The following EBF1 variants were observed in gnomAD, a reference collection of about 807,000 sequenced individuals.
EBF1 encodes EBF transcription factor 1, also known as transcription factor COE1.
Under a neutral mutation model 68.4 loss-of-function variants are expected in EBF1, and 10 were observed. The ratio of observed to expected loss-of-function variants is 0.15; its 90% CI spans 0.09 to 0.25. The LOEUF (loss-of-function observed/expected upper bound fraction) is 0.25, where lower values mean the gene tolerates loss of function less well. Ranked by LOEUF, EBF1 falls within the 10% of genes least tolerant of loss-of-function variation. The probability of loss-of-function intolerance (pLI) is 1.00; values close to 1 mark genes in which losing one functional copy is unlikely to be tolerated. For missense variants in EBF1, 509 were observed against 794.4 expected, an observed-to-expected ratio of 0.64 and a Z score of 4.32; for synonymous variants, 298 against 299.8, an observed-to-expected ratio of 0.99 and a Z score of 0.06.
At position 158,764,667 on chromosome 5, in the gene EBF1, T is replaced by A. The variant is rs151204879; in HGVS notation, c.1036+12746A>T. On this transcript the variant is annotated intron_variant, in intron 10 of 15. Transcript: ENST00000313708. ...GCGCTGTCAATAAAAGAACTACATG[T>A]ACTCAAAGTGTCAATGCTGGGGAGG... is the stretch of plus-strand genomic sequence containing the variant. 4.4e-3 allele frequency among the ~76,000 whole-genome samples: 670 copies of A among 152,264 alleles called. 4 individuals are homozygous for A. The highest frequency in any genetic ancestry group is 0.015 in the African/African-American group (627 of 41,558).
intron 6 of EBF1, among the ~76,000 whole-genome samples, chr5:158,968,539 G>A (rs1306241046): frequency 2.6e-5 from 4 of 152,092 alleles, no homozygotes; most frequent in Admixed American, 2.0e-4. Context: ...GAGACAAAGT[G>A]GAACAGGCAT....
chr5:159,031,450 T>C (rs1378283758), intron 6 of EBF1, among the ~76,000 whole-genome samples: 2 of 123,090 alleles, frequency 1.6e-5, no homozygotes. Flanking sequence ...AGCATATGCA[T>C]ATGCACCTCC....
intron 6 of EBF1, among the ~76,000 whole-genome samples, chr5:158,872,766 T>A (rs892088925): frequency 6.6e-6 from 1 of 152,136 alleles, no homozygotes; most frequent in Non-Finnish European, 1.5e-5. Flanking sequence ...CTTTTCTGTG[T>A]GTACATTTTT....
intron 6 of EBF1, among the ~76,000 whole-genome samples, chr5:158,869,356 C>A (rs1238197662): frequency 1.3e-5 from 2 of 152,084 alleles, no homozygotes; most frequent in African/African-American, 4.8e-5. Flanking sequence ...GATCTGGATA[C>A]CCTGAGAGAA....
intron 15 of EBF1, among the ~76,000 whole-genome samples, chr5:158,699,624 C>A (rs1311234873): frequency 6.6e-6 from 1 of 152,168 alleles, no homozygotes; most frequent in Non-Finnish European, 1.5e-5. Context: ...AGCCACAGAG[C>A]AGAAATCTTG....
chr5:158,712,143 T>C lies in EBF1; in HGVS notation c.1549+11A>G. 3.7e-6 allele frequency: 6 copies of C among 1,613,348 alleles called. No homozygotes were observed. Among genetic ancestry groups the C allele is most frequent in the Non-Finnish European group, 5.1e-6 (6 of 1,179,734 alleles). ...AACGTGCAGGAACGCAGGATATGCA[T>C]CTCTACTTACTGGCATAGGGGGAGT... On this transcript the variant is annotated intron_variant, in intron 14 of 15. Transcript: ENST00000313708.
chr5:158,753,296 T>G (rs1192175562), intron 10 of EBF1, among the ~76,000 whole-genome samples: 2 of 152,134 alleles, frequency 1.3e-5, no homozygotes, highest in African/African-American at 4.8e-5. Context: ...ATCTCCATCT[T>G]ACTCTCTCCA....
At chr5:159,083,441 T>G (rs1175359398) in intron 5 of EBF1, among the ~76,000 whole-genome samples, 4 of 152,244 alleles carry the variant, frequency 2.6e-5, no homozygotes, top group South Asian at 4.1e-4. Flanking sequence ...ATTTTCATAA[T>G]AGTTAACAAG....
At position 159,095,694 on chromosome 5, in the gene EBF1, G is replaced by T. The variant is rs141435103; in HGVS notation, c.356-19C>A. 1.6e-3 allele frequency: 2,626 copies of T among 1,613,768 alleles called. 40 individuals are homozygous for T. In the African/African-American group the frequency reaches 0.03, roughly 18 times the overall value. ...CTTATCCCTAGGGTTGGAAATGGGG[G>T]AAGGGAGGAGAATTAAGTGAGAGGT... On this transcript the variant is annotated intron_variant, in intron 3 of 15. Coordinates refer to ENST00000313708, the MANE Select transcript of EBF1 (RefSeq NM_024007.5).
At chr5:159,070,191 T>A (rs770988024) in intron 6 of EBF1, among the ~76,000 whole-genome samples, 1 of 152,190 alleles carries the variant, frequency 6.6e-6, no homozygotes, top group South Asian at 2.1e-4. Flanking sequence ...GAGTGCAGGC[T>A]GGGTTATGTG....
intron 8 of EBF1, among the ~76,000 whole-genome samples, chr5:158,802,392 T>G (rs150991043): frequency 6.6e-6 from 1 of 152,302 alleles, no homozygotes; most frequent in East Asian, 1.9e-4. Context: ...AGAAATTTTC[T>G]AATCTAAATC....
intron 6 of EBF1, among the ~76,000 whole-genome samples, chr5:158,950,758 T>G (rs1054130277): frequency 1.3e-5 from 2 of 152,194 alleles, no homozygotes; most frequent in African/African-American, 2.4e-5. Context: ...AGAGTGTATT[T>G]GGTGGAGTTT....
chr5:158,865,660 T>C (rs1317899454), intron 6 of EBF1, among the ~76,000 whole-genome samples: 2 of 152,164 alleles, frequency 1.3e-5, no homozygotes, highest in Non-Finnish European at 2.9e-5. Context: ...TGTAGTAGAG[T>C]AGGGGAATAG....
chr5:159,043,138 A>T (rs1348463878), intron 6 of EBF1, among the ~76,000 whole-genome samples: 1 of 152,242 alleles, frequency 6.6e-6, no homozygotes, highest in Non-Finnish European at 1.5e-5. Flanking sequence ...TATTTTGCAG[A>T]CAAAAACTCC....
chr5:159,011,205 T>C (rs892307943), intron 6 of EBF1, among the ~76,000 whole-genome samples: 6 of 152,184 alleles, frequency 3.9e-5, no homozygotes, highest in African/African-American at 1.2e-4. Context: ...CTTAAGGAAG[T>C]TGAAGGCAAA....
At chr5:158,830,658 C>T (rs1420945339) in intron 7 of EBF1, among the ~76,000 whole-genome samples, 1 of 152,130 alleles carries the variant, frequency 6.6e-6, no homozygotes. Flanking sequence ...CCTGTGTGAC[C>T]GACTACAGTT....
chr5:158,936,099 T>G (rs1811962146), intron 6 of EBF1, among the ~76,000 whole-genome samples: 1 of 152,234 alleles, frequency 6.6e-6, no homozygotes, highest in Non-Finnish European at 1.5e-5. Context: ...TATGTGCATG[T>G]TCCCTAGGTG....
At chr5:158,905,435 T>C (rs1024782734) in intron 6 of EBF1, among the ~76,000 whole-genome samples, 9 of 152,336 alleles carry the variant, frequency 5.9e-5, no homozygotes, top group African/African-American at 1.9e-4. Context: ...GTCTGGACAG[T>C]GGCATTTTGG....
intron 8 of EBF1, 94 bp from the exon 9 acceptor site, chr5:158,796,569 T>C (rs1472256999): frequency 5.7e-6 from 8 of 1,409,752 alleles, no homozygotes; most frequent in Non-Finnish European, 6.6e-6. Context: ...AAAAAATCTT[T>C]TATCTTTTCA....
Sources: allele counts gnomAD v4.1 joint callset (sites outside exome capture counted in the v4.1 genomes callset), GRCh38; gene constraint gnomAD v4.1.1; transcripts MANE v1.5; gene names NCBI Gene and HGNC (gene_info 2026-07-23, HGNC 2026-07-21).